Variants in EPS8L3 observed in about 807,000 individuals in gnomAD.
EPS8L3 encodes EPS8 signaling adaptor L3, also known as epidermal growth factor receptor kinase substrate 8-like protein 3.
EPS8L3 carries 80 observed loss-of-function variants against 88.5 expected under a neutral mutation model. The observed-to-expected ratio is 0.90, with a 90% CI of 0.75 to 1.09. The LOEUF (loss-of-function observed/expected upper bound fraction) is 1.09, where lower values mean the gene tolerates loss of function less well. Ranked by LOEUF, EPS8L3 falls within the 50% of genes least tolerant of loss-of-function variation. The pLI, the probability that EPS8L3 is intolerant of heterozygous loss-of-function variation, is 0.00. For synonymous variants in EPS8L3, 286 were observed against 291.0 expected (o/e 0.98, Z 0.18); for missense variants, 721 against 735.2 (o/e 0.98, Z 0.22).
chr1:109,763,175 T>C (rs1311842386), intron 1 of EPS8L3, among the ~76,000 whole-genome samples: 3 of 152,142 alleles, frequency 2.0e-5, no homozygotes, highest in Non-Finnish European at 4.4e-5. Context: ...CAGTGAACAA[T>C]TAAGGGAATG....
At position 109,756,480 on chromosome 1, in the gene EPS8L3, C is replaced by T. The variant is rs968972090; in HGVS notation, c.1118+537G>A. Reference sequence around the variant, plus strand: ...CTCGAACTCCTGACCTCAGGTGATCCGCCCACCTGGCCTCCCAGAGTGCTG... The same window carrying T: ...CTCGAACTCCTGACCTCAGGTGATCTGCCCACCTGGCCTCCCAGAGTGCTG... On this transcript the variant is annotated intron_variant, in intron 12 of 18. Coordinates refer to ENST00000361965, the MANE Select transcript of EPS8L3 (RefSeq NM_133181.4). Among the ~76,000 whole-genome samples the T allele has an allele frequency of 9.2e-5, 14 of 152,166 alleles. No homozygotes were observed. In the South Asian group the frequency reaches 1.5e-3, roughly 16 times the overall value.
At chr1:109,752,645 C>G in intron 14 of EPS8L3, 41 bp downstream of exon 14, 1 of 1,539,688 alleles carries the variant, frequency 6.5e-7, no homozygotes, top group African/African-American at 1.4e-5. Flanking sequence ...CTGTCCCTCC[C>G]TCCCCAGGAC....
At chr1:109,761,060 C>G (rs751255924) in intron 3 of EPS8L3, among the ~76,000 whole-genome samples, 49 of 152,116 alleles carry the variant, frequency 3.2e-4, no homozygotes, top group Non-Finnish European at 6.2e-4. Context: ...CTCTCAATCC[C>G]CCACAGGGCC....
chr1:109,751,776 C>G lies in EPS8L3; in HGVS notation c.1441G>C (p.Asp481His), dbSNP rs1238122232. 1.9e-6 allele frequency: 3 copies of G among 1,613,312 alleles called. No individual in the cohort carries two copies. Among genetic ancestry groups the G allele is most frequent in the Non-Finnish European group, 1.7e-6 (2 of 1,179,986 alleles). ...VVQGEKLEVL[D>H]HSKRWWLVKN... ...ACCAGCCACCACCGCTTGCTGTGGTCCAGAACCTGCCAAGAGTCACCACCT... is the reference window on the plus strand; with the variant it reads ...ACCAGCCACCACCGCTTGCTGTGGTGCAGAACCTGCCAAGAGTCACCACCT... The change falls in exon 16 of 19, where the codon GAC (aspartate) becomes CAC (histidine). Residue 481 changes from aspartate (D) to histidine (H), a missense_variant. Asp to His is a moderately conservative substitution (Grantham distance 81, BLOSUM62 -1). Transcript: ENST00000361965.
At chr1:109,755,368 C>T (rs1355945872) in intron 12 of EPS8L3, among the ~76,000 whole-genome samples, 1 of 152,086 alleles carries the variant, frequency 6.6e-6, no homozygotes, top group Non-Finnish European at 1.5e-5. Flanking sequence ...CTGAATTATA[C>T]ACTTAAAACG....
Position 109,757,531 on chromosome 1 carries a change from C to T in EPS8L3, c.919G>A (p.Glu307Lys). The T allele has an allele frequency of 6.2e-7, 1 of 1,614,100 alleles. No homozygotes were observed. The highest frequency in any genetic ancestry group is 8.5e-7 in the Non-Finnish European group (1 of 1,179,986). ...TGTACGAGCTCAGGGGCACTTGTCT[C>T]CTTCAGCCAGGTGGCCAGCCTTCCC... ...LLGRLATWLK[E>K]TSAPELVHIL... Residue 307 changes from glutamate to lysine, a missense_variant, in exon 11 of 19, where the codon GAG (glutamate) becomes AAG (lysine). Coordinates refer to ENST00000361965, the MANE Select transcript of EPS8L3 (RefSeq NM_133181.4).
chr1:109,758,460 A>G, intron 7 of EPS8L3, 29 bp from the exon 8 acceptor site: 1 of 1,572,518 alleles, frequency 6.4e-7, no homozygotes. Context: ...ATGGACCTAG[A>G]TCTTAGATCT....
In EPS8L3 at chr1:109,759,190, T is replaced by A; in HGVS notation, c.405+48A>T. The A allele has an allele frequency of 1.3e-6, 2 of 1,597,924 alleles. No individual in the cohort carries two copies. The highest frequency in any genetic ancestry group is 3.6e-4 in the Middle Eastern group (2 of 5,526). ...GTGTGTGTGTGTGTGTGTGGTGGGG[T>A]GATGGTCGATGAACCCCACCCCTGA... On this transcript the variant is annotated intron_variant, in intron 5 of 18. Coordinates refer to ENST00000361965, the MANE Select transcript of EPS8L3 (RefSeq NM_133181.4). The surrounding 1 kb of genome is among the most constrained non-coding windows in gnomAD (Gnocchi z 4.2).
intron 1 of EPS8L3, 81 bp from the exon 2 acceptor site, chr1:109,761,854 T>C: frequency 7.8e-7 from 1 of 1,282,780 alleles, no homozygotes; most frequent in Non-Finnish European, 1.1e-6. Context: ...ACAGTTGCTA[T>C]TGCTCTGACT....
intron 15 of EPS8L3, 33 bp downstream of exon 15, chr1:109,751,962 A>T: frequency 2.6e-6 from 4 of 1,568,144 alleles, no homozygotes; most frequent in Non-Finnish European, 3.5e-6. Context: ...ACCAACCACC[A>T]CCTCCTTTTC....
Position 109,757,929 on chromosome 1 carries a change from G to A in EPS8L3, c.832+15C>T, listed in dbSNP as rs2101479579. The A allele has an allele frequency of 6.8e-6, 11 of 1,613,486 alleles. No individual in the cohort carries two copies. The highest frequency in any genetic ancestry group is 8.5e-6 in the Non-Finnish European group (10 of 1,179,386). ...GAGACACCCCTACTCCTCTTCCCTG[G>A]CCCTCAGTACTCACCTCCCTGGTCC... On this transcript the variant is annotated intron_variant, in intron 9 of 18. Transcript: ENST00000361965.
intron 10 of EPS8L3, 67 bp downstream of exon 10, chr1:109,757,734 AC>A (rs151070312): frequency 0.014 from 21,311 of 1,535,470 alleles, 212 homozygotes; most frequent in Non-Finnish European, 0.016. Context: ...TTGAGTCCAG[AC>A]AGCAGAGGAT....
intron 12 of EPS8L3, 81 bp downstream of exon 12, chr1:109,756,936 G>C: frequency 6.4e-7 from 1 of 1,567,714 alleles, no homozygotes; most frequent in Non-Finnish European, 8.8e-7. Flanking sequence ...TGACAACATA[G>C]AGCCTGGCCA....
intron 1 of EPS8L3, 133 bp from the exon 2 acceptor site, chr1:109,761,906 GCC>G: frequency 1.4e-6 from 1 of 726,168 alleles, no homozygotes; most frequent in Non-Finnish European, 2.3e-6. Context: ...GGCTCCAGGG[GCC>G]CTTTCCGGAG....
chr1:109,762,396 TC>T (rs560656237), intron 1 of EPS8L3, among the ~76,000 whole-genome samples: 2 of 152,058 alleles, frequency 1.3e-5, no homozygotes, highest in South Asian at 4.2e-4. Flanking sequence ...TCTGCCCAGG[TC>T]CCCTCCTGAC....
intron 10 of EPS8L3, 23 bp from the exon 11 acceptor site, chr1:109,757,578 G>C: frequency 6.2e-7 from 1 of 1,605,802 alleles, no homozygotes; most frequent in Non-Finnish European, 8.5e-7. Flanking sequence ...AGCAATGCCT[G>C]TCACCACCCT....
At chr1:109,762,119 C>A (rs941491971) in intron 1 of EPS8L3, among the ~76,000 whole-genome samples, 1 of 152,276 alleles carries the variant, frequency 6.6e-6, no homozygotes, top group Non-Finnish European at 1.5e-5. Flanking sequence ...GCGTTCAGAT[C>A]CTATCTTGGG....
intron 13 of EPS8L3, 147 bp from the exon 14 acceptor site, chr1:109,752,867 G>A: frequency 1.3e-6 from 1 of 784,706 alleles, no homozygotes; most frequent in Non-Finnish European, 2.1e-6. Context: ...ACAGATACAG[G>A]TACCCACATG....
intron 9 of EPS8L3, 29 bp from the exon 10 acceptor site, chr1:109,757,892 A>G (rs769905262): frequency 1.2e-6 from 2 of 1,613,702 alleles, no homozygotes; most frequent in Non-Finnish European, 1.7e-6. Context: ...ACGGTGGGCC[A>G]GAGATCACCC....
Sources: gnomAD v4.1 joint callset for allele counts (sites outside exome capture counted in the v4.1 genomes callset) on GRCh38, gnomAD v4.1.1 for gene constraint, Gnocchi (gnomAD v3.1) non-coding constraint, MANE v1.5 for transcripts, NCBI Gene and HGNC (gene_info 2026-07-23, HGNC 2026-07-21) for gene names.